The following KIAA0753 variants were observed in gnomAD, a reference collection of about 807,000 sequenced individuals.
KIAA0753 encodes the protein protein moonraker.
In KIAA0753, 114 loss-of-function variants were observed where a neutral mutation model predicts 116.9. The ratio of observed to expected loss-of-function variants is 0.98; its 90% confidence interval spans 0.84 to 1.14. The LOEUF (loss-of-function observed/expected upper bound fraction) is 1.14, where lower values mean the gene tolerates loss of function less well. Ranked by LOEUF, KIAA0753 falls within the 50% of genes most tolerant of loss-of-function variation. KIAA0753 has a pLI of 0.00. For synonymous variants in KIAA0753, 405 were observed against 413.1 expected, an observed-to-expected ratio of 0.98 and a Z score of 0.24; for missense variants, 1,156 against 1,172.4, an observed-to-expected ratio of 0.99 and a Z score of 0.20.
chr17:6,616,676 A>G (rs957096470), intron 7 of KIAA0753, among the ~76,000 whole-genome samples: 7 of 152,140 alleles, frequency 4.6e-5, no homozygotes, highest in African/African-American at 1.7e-4. Context: ...AGTACAAAAA[A>G]TTAGCTGGGC....
At chr17:6,620,421 C>CATATATATAT (rs141663097) in intron 7 of KIAA0753, among the ~76,000 whole-genome samples, 1 of 148,288 alleles carries the variant, frequency 6.7e-6, no homozygotes, top group East Asian at 2.0e-4. Context: ...AAAAAAAATA[C>CATATATATAT]ATATATATAT....
chr17:6,592,400 G>A (rs1456689467), intron 16 of KIAA0753, among the ~76,000 whole-genome samples: 1 of 152,144 alleles, frequency 6.6e-6, no homozygotes, highest in Non-Finnish European at 1.5e-5. Context: ...ATTCCTTAGA[G>A]GTAATGTTTA....
chr17:6,584,779 A>G (rs1177198534), intron 18 of KIAA0753, among the ~76,000 whole-genome samples: 1 of 152,174 alleles, frequency 6.6e-6, no homozygotes, highest in East Asian at 1.9e-4. Flanking sequence ...TGCATTGGTA[A>G]TCTAGATCTT....
intron 12 of KIAA0753, among the ~76,000 whole-genome samples, chr17:6,602,669 C>A (rs1969951973): frequency 6.6e-6 from 1 of 152,170 alleles, no homozygotes; most frequent in Admixed American, 6.5e-5. Flanking sequence ...GGTTGAAGGA[C>A]AAATTATCTA....
chr17:6,635,655 G>C (rs1223660523), intron 1 of KIAA0753: 1 of 152,388 alleles, frequency 6.6e-6, no homozygotes, highest in Non-Finnish European at 1.5e-5. Context: ...AGAATTCCTC[G>C]ATTCAAGCCA....
intron 5 of KIAA0753, 133 bp from the exon 6 acceptor site, chr17:6,623,230 T>C (rs1971445325): frequency 1.1e-6 from 1 of 917,806 alleles, no homozygotes. Context: ...TTTTTCATAG[T>C]AAAGGGAGTT....
At chr17:6,615,092 C>A (rs1970796349) in intron 7 of KIAA0753, among the ~76,000 whole-genome samples, 1 of 152,138 alleles carries the variant, frequency 6.6e-6, no homozygotes, top group Admixed American at 6.6e-5. Context: ...TGCCACCACG[C>A]CTGGCTAATT....
In KIAA0753 at chr17:6,578,198, G is replaced by A. The variant is rs1449418164; in HGVS notation, c.*1549C>T. 1 of 151,872 alleles carries A rather than the reference G, an allele frequency of 6.6e-6. No homozygotes were observed. Among genetic ancestry groups the A allele is most frequent in the African/African-American group, 2.4e-5 (1 of 41,308 alleles). The allele number at this position is 151,872 out of a possible 1,614,324, so 9.4% of individuals were successfully genotyped here. ...ATTGTCACTAATTTTTTTCTCGGGG[G>A]GAAGGGGTGGCAAATAATCCACTAT... On this transcript the variant is annotated 3_prime_UTR_variant, in exon 19 of 19. Transcript: ENST00000361413.
In KIAA0753 at chr17:6,635,104, A is replaced by G. The variant is rs1327984626; in HGVS notation, c.-1T>C. 1 of 1,609,092 alleles carries G rather than the reference A, an allele frequency of 6.2e-7. No homozygotes were observed. Among genetic ancestry groups the G allele is most frequent in the African/African-American group, 1.3e-5 (1 of 74,808 alleles). On this transcript the variant is annotated 5_prime_UTR_variant, in exon 2 of 19. Transcript: ENST00000361413. ...TTGAAGCTGGCTGGCCTGGTCCCAT[A>G]ATGTCAGGTAGTACAGAACAATAGT...
intron 14 of KIAA0753, among the ~76,000 whole-genome samples, chr17:6,597,659 TGAC>T (rs1165565388): frequency 6.6e-6 from 1 of 152,228 alleles, no homozygotes. Context: ...GTTCAGTTAA[TGAC>T]AACAGTAGCA....
chr17:6,613,301 T>A (rs1970674113), intron 7 of KIAA0753, among the ~76,000 whole-genome samples: 1 of 152,122 alleles, frequency 6.6e-6, no homozygotes, highest in Non-Finnish European at 1.5e-5. Context: ...CTAAATAAAT[T>A]GTTTTCATGA....
At chr17:6,602,039 T>C (rs1282137473) in intron 12 of KIAA0753, among the ~76,000 whole-genome samples, 1 of 152,204 alleles carries the variant, frequency 6.6e-6, no homozygotes, top group Non-Finnish European at 1.5e-5. Context: ...ATCATTCGCC[T>C]TCAAGGAAAC....
intron 18 of KIAA0753, among the ~76,000 whole-genome samples, chr17:6,581,270 CT>C (rs997527629): frequency 1.8e-4 from 27 of 151,302 alleles, no homozygotes; most frequent in African/African-American, 6.6e-4. Context: ...GAATAAAAGC[CT>C]TTTTTTGGGG....
At chr17:6,625,262 G>T (rs1971589174) in intron 3 of KIAA0753, among the ~76,000 whole-genome samples, 1 of 152,210 alleles carries the variant, frequency 6.6e-6, no homozygotes, top group Non-Finnish European at 1.5e-5. Context: ...ACAATGTAAA[G>T]AAGGTATTAA....
intron 4 of KIAA0753, 147 bp downstream of exon 4, chr17:6,624,608 T>C (rs1971547149): frequency 3.4e-6 from 2 of 591,250 alleles, no homozygotes; most frequent in Admixed American, 2.9e-5. Context: ...TTTGCCCATG[T>C]GTTCAGGTAA....
Position 6,628,425 on chromosome 17 carries a change from T to A in KIAA0753, c.410A>T (p.Tyr137Phe). The change falls in exon 3 of 19, where the codon TAT becomes TTT. Residue 137 changes from tyrosine to phenylalanine, a missense_variant. Transcript: ENST00000361413. The part of the protein sequence containing the change: ...QSSQKCGHTK[Y>F]KIPDHRVERK... ...TTCCACCCTGTGGTCGGGTATTTTA[T>A]ACTTAGTATGTCCACACTTCTGAGA... 1 of 1,614,244 alleles carries A rather than the reference T, an allele frequency of 6.2e-7. No individual in the cohort carries two copies. Among genetic ancestry groups the A allele is most frequent in the Non-Finnish European group, 8.5e-7 (1 of 1,180,038 alleles).
At chr17:6,605,089 A>G (rs1970110346) in intron 12 of KIAA0753, among the ~76,000 whole-genome samples, 2 of 82,922 alleles carry the variant, frequency 2.4e-5, no homozygotes, top group African/African-American at 1.3e-4. Context: ...CTCTAACTTG[A>G]AAAAAAAAAA....
rs1281332711 is a variant in KIAA0753 at position 6,599,262 on chromosome 17, G to A, written c.2147C>T (p.Thr716Ile). The change falls in exon 14 of 19, where the codon ACA (threonine) becomes ATA (isoleucine). Residue 716 changes from threonine to isoleucine, a missense_variant. By Grantham distance (89) the Thr-to-Ile change is moderately conservative (BLOSUM62 -1). Coordinates refer to ENST00000361413, the MANE Select transcript of KIAA0753 (RefSeq NM_014804.3). The stretch of plus-strand genomic sequence containing the variant: ...CTCCTGTGCAGGCTGGGCTTTCGCT[G>A]TGTTTACTGACGAGCCATCTTTCAA... ...IHLKDGSSVN[T>I]AKAQPAQEVA... 6.2e-7 allele frequency: 1 copy of A among 1,613,768 alleles called. No homozygotes were observed. The highest frequency in any genetic ancestry group is 1.7e-5 in the Admixed American group (1 of 60,020).
At position 6,578,147 on chromosome 17, in the gene KIAA0753, T is replaced by C. The variant is rs1439153273; in HGVS notation, c.*1600A>G. ...GCAAGCACGGAGAGCAATGCTCTAG[T>C]AGGTGCTCAATAAATGTTAGCTTTT... is the stretch of plus-strand genomic sequence containing the variant. On this transcript the variant is annotated 3_prime_UTR_variant, in exon 19 of 19. Coordinates refer to ENST00000361413, the MANE Select transcript of KIAA0753 (RefSeq NM_014804.3). 1 of 152,066 alleles carries C rather than the reference T, an allele frequency of 6.6e-6. No individual in the cohort carries two copies. The allele number at this position is 152,066 out of a possible 1,614,324, so 9.4% of individuals were successfully genotyped here. A position where few individuals can be genotyped will look rare whatever the true frequency, so the allele number is the denominator to read the frequency against.
Sources: gnomAD v4.1 joint callset for allele counts (sites outside exome capture counted in the v4.1 genomes callset) on GRCh38, gnomAD v4.1.1 for gene constraint, MANE v1.5 for transcripts, NCBI Gene and HGNC (gene_info 2026-07-23, HGNC 2026-07-21) for gene names.